The following SLC38A12 variants were observed in gnomAD, a reference collection of about 807,000 sequenced individuals.
SLC38A12 encodes the protein putative sodium-coupled neutral amino acid transporter 12.
chr17:74,793,680 C>G, the SLC38A12 span, among the ~76,000 whole-genome samples: 1 of 152,134 alleles, frequency 6.6e-6, no homozygotes, highest in African/African-American at 2.4e-5. Context: ...CAATGCGTCC[C>G]CTCAGAGCAG....
At chr17:74,829,604 G>GCTTA in the SLC38A12 span, among the ~76,000 whole-genome samples, 1 of 152,198 alleles carries the variant, frequency 6.6e-6, no homozygotes, top group Non-Finnish European at 1.5e-5. The surrounding 1 kb of genome is among the most constrained non-coding windows in gnomAD (Gnocchi z 4.1). Flanking sequence ...AGTAGCCCTT[G>GCTTA]CTTAATTCCA....
the SLC38A12 span, among the ~76,000 whole-genome samples, chr17:74,812,875 C>CGGGA: frequency 6.6e-6 from 1 of 152,190 alleles, no homozygotes; most frequent in Non-Finnish European, 1.5e-5. Flanking sequence ...TGCTGGCCTC[C>CGGGA]CGTGTTGAAA....
the SLC38A12 span, chr17:74,837,695 G>A: frequency 1.6e-4 from 153 of 985,724 alleles, no homozygotes; most frequent in Middle Eastern, 5.2e-4. Flanking sequence ...GTTGGATGGG[G>A]CCCCCACTTC....
chr17:74,826,540 G>A, the SLC38A12 span, among the ~76,000 whole-genome samples: 1 of 152,200 alleles, frequency 6.6e-6, no homozygotes, highest in African/African-American at 2.4e-5. Context: ...GTGCATGGTG[G>A]GTGAGTTGCT....
the SLC38A12 span, chr17:74,791,158 G>C: frequency 4.9e-6 from 4 of 815,294 alleles, no homozygotes; most frequent in South Asian, 1.6e-5. Context: ...GCAGGTGGTA[G>C]AGCTGCTCCC....
At chr17:74,800,130 A>G in the SLC38A12 span, among the ~76,000 whole-genome samples, 4 of 152,296 alleles carry the variant, frequency 2.6e-5, no homozygotes, top group South Asian at 8.3e-4. Flanking sequence ...CCCTGGTGAC[A>G]CAGGCTTGCT....
At chr17:74,817,090 T>A in the SLC38A12 span, among the ~76,000 whole-genome samples, 1 of 145,570 alleles carries the variant, frequency 6.9e-6, no homozygotes, top group African/African-American at 2.6e-5. Context: ...GTCCTCATCC[T>A]TTGTCACTCC....
chr17:74,825,931 A>T, the SLC38A12 span, among the ~76,000 whole-genome samples: 2 of 152,130 alleles, frequency 1.3e-5, no homozygotes, highest in Admixed American at 1.3e-4. Flanking sequence ...GGGGCCACCC[A>T]TCCTTGCTCG....
chr17:74,805,488 G>A, the SLC38A12 span, among the ~76,000 whole-genome samples: 11 of 152,294 alleles, frequency 7.2e-5, no homozygotes, highest in East Asian at 1.9e-3. This position sits in a 1 kb window ranked among gnomAD's most constrained non-coding sequence, Gnocchi z 5.0. Context: ...CCAGCTCCCC[G>A]GAGAGGGCAT....
chr17:74,779,861 T>C, the SLC38A12 span, among the ~76,000 whole-genome samples: 2 of 152,252 alleles, frequency 1.3e-5, no homozygotes, highest in Admixed American at 6.5e-5. Context: ...GCTTGAATTA[T>C]TCTGCCTAAA....
At chr17:74,790,852 C>A in the SLC38A12 span, 1 of 969,666 alleles carries the variant, frequency 1.0e-6, no homozygotes, top group Non-Finnish European at 1.6e-6. Context: ...AGTTTGGACA[C>A]TTGGGGATTT....
the SLC38A12 span, among the ~76,000 whole-genome samples, chr17:74,807,451 G>T: frequency 2.6e-5 from 4 of 152,194 alleles, no homozygotes; most frequent in South Asian, 8.3e-4. Context: ...CGGGGCTTTG[G>T]CACACAACCC....
chr17:74,777,835 A>AC, the SLC38A12 span: 1 of 356,532 alleles, frequency 2.8e-6, no homozygotes, highest in East Asian at 7.7e-5. Flanking sequence ...AATCGCTTGA[A>AC]CCCGGGAGGC....
the SLC38A12 span, chr17:74,839,367 C>A: frequency 4.1e-6 from 2 of 482,318 alleles, no homozygotes; most frequent in Non-Finnish European, 7.2e-6. Flanking sequence ...AAAGCCACTG[C>A]AGAGGGGCAG....
the SLC38A12 span, among the ~76,000 whole-genome samples, chr17:74,826,329 G>T: frequency 6.6e-6 from 1 of 152,172 alleles, no homozygotes; most frequent in South Asian, 2.1e-4. Context: ...CTGGGGAGAG[G>T]GGGACTCTGC....
chr17:74,834,578 G>A, the SLC38A12 span, among the ~76,000 whole-genome samples: 1 of 152,184 alleles, frequency 6.6e-6, no homozygotes, highest in Non-Finnish European at 1.5e-5. Flanking sequence ...AGGAGTCAGG[G>A]AGTGGGCCTG....
the SLC38A12 span, chr17:74,790,301 G>A: frequency 1.2e-6 from 2 of 1,613,748 alleles, no homozygotes; most frequent in Non-Finnish European, 1.7e-6. Context: ...CTGTGCGTAA[G>A]TCTTGGGGTT....
chr17:74,795,195 AC>A, the SLC38A12 span: 1 of 1,177,666 alleles, frequency 8.5e-7, no homozygotes, highest in Non-Finnish European at 1.3e-6. Flanking sequence ...GGGGAGAAGC[AC>A]CATGCCAAGT....
the SLC38A12 span, among the ~76,000 whole-genome samples, chr17:74,818,841 C>T: frequency 1.3e-5 from 2 of 152,228 alleles, no homozygotes; most frequent in Non-Finnish European, 2.9e-5. Context: ...CTTAATTCCT[C>T]TACTCCCTGA....
Sources: gnomAD v4.1 joint callset for allele counts (sites outside exome capture counted in the v4.1 genomes callset) on GRCh38, gnomAD v4.1.1 for gene constraint, Gnocchi (gnomAD v3.1) non-coding constraint, MANE v1.5 for transcripts, NCBI Gene and HGNC (gene_info 2026-07-23, HGNC 2026-07-21) for gene names.